Variants in CORIN observed in about 807,000 individuals in gnomAD.
CORIN encodes corin, serine peptidase, also known as atrial natriuretic peptide-converting enzyme.
In CORIN, 117 loss-of-function variants were observed where a neutral mutation model predicts 125.3. The ratio of observed to expected loss-of-function variants is 0.93; its 90% CI spans 0.80 to 1.09. The LOEUF is 1.09. CORIN is among the 50% of genes least tolerant of loss of function. CORIN has a pLI of 0.00. For missense variants in CORIN, 1,253 were observed against 1,306.7 expected (o/e 0.96, Z 0.63); for synonymous variants, 450 against 466.4 (o/e 0.96, Z 0.45).
At chr4:47,622,548 GGT>G (rs1722363891) in intron 19 of CORIN, among the ~76,000 whole-genome samples, 1 of 151,700 alleles carries the variant, frequency 6.6e-6, no homozygotes, top group South Asian at 2.1e-4. Context: ...CATTCTAACT[GGT>G]GTGAGATGGT....
At chr4:47,658,919 C>T (rs1724118433) in intron 12 of CORIN, among the ~76,000 whole-genome samples, 1 of 152,222 alleles carries the variant, frequency 6.6e-6, no homozygotes, top group Non-Finnish European at 1.5e-5. Flanking sequence ...TTTCTTTGCT[C>T]CTGTATCTGA....
At chr4:47,808,938 A>T (rs1731926347) in intron 1 of CORIN, among the ~76,000 whole-genome samples, 1 of 152,228 alleles carries the variant, frequency 6.6e-6, no homozygotes, top group Admixed American at 6.5e-5. Flanking sequence ...TGAAATGTAC[A>T]TGACTATATT....
chr4:47,715,834 T>C (rs1192595676), intron 5 of CORIN, among the ~76,000 whole-genome samples: 1 of 152,162 alleles, frequency 6.6e-6, no homozygotes, highest in East Asian at 1.9e-4. Context: ...TATGCTGCAA[T>C]ATGAGGCAGA....
chr4:47,831,946 G>A (rs1434560444), intron 1 of CORIN, among the ~76,000 whole-genome samples: 5 of 152,198 alleles, frequency 3.3e-5, no homozygotes, highest in Non-Finnish European at 4.4e-5. Flanking sequence ...GTCAAATGAG[G>A]ATGAGTTCAA....
chr4:47,609,529 C>T (rs535651740), intron 19 of CORIN, among the ~76,000 whole-genome samples: 11 of 152,280 alleles, frequency 7.2e-5, no homozygotes, highest in South Asian at 2.1e-4. Context: ...TGTGAGCCAC[C>T]GCACCCGGCT....
intron 2 of CORIN, among the ~76,000 whole-genome samples, chr4:47,803,289 T>C (rs1399187123): frequency 1.3e-5 from 2 of 152,206 alleles, no homozygotes; most frequent in African/African-American, 4.8e-5. Flanking sequence ...CTCAAAGCAA[T>C]CTGCAGATTC....
chr4:47,729,931 A>G (rs921642115), intron 5 of CORIN, among the ~76,000 whole-genome samples: 2 of 152,178 alleles, frequency 1.3e-5, no homozygotes, highest in Non-Finnish European at 2.9e-5. Flanking sequence ...CTCCGGCTCC[A>G]GGGAAAGACC....
intron 3 of CORIN, among the ~76,000 whole-genome samples, chr4:47,785,937 TA>T (rs1255447667): frequency 3.2e-5 from 4 of 125,994 alleles, no homozygotes; most frequent in Admixed American, 2.4e-4. Context: ...AAAAGGTAAA[TA>T]GGGGGATAGC....
intron 13 of CORIN, 47 bp downstream of exon 13, chr4:47,653,506 C>G (rs771757197): frequency 7.0e-7 from 1 of 1,430,146 alleles, no homozygotes; most frequent in South Asian, 1.2e-5. Context: ...TTATTTTATT[C>G]TAGTTATCAC....
intron 5 of CORIN, among the ~76,000 whole-genome samples, chr4:47,728,791 T>C (rs1727718296): frequency 6.6e-6 from 1 of 152,224 alleles, no homozygotes; most frequent in African/African-American, 2.4e-5. Context: ...CTCCAGCCAC[T>C]GAACAAAATA....
rs1233228997 is a variant in CORIN, at chr4:47,603,591, C to T, written c.2618G>A (p.Arg873His). Residue 873 changes from arginine to histidine, a missense_variant, in exon 20 of 22, where the codon CGC becomes CAC. Transcript: ENST00000273857. ...LDHPSVFMQT[R>H]FVKTIILHPR... ...ATGCAGGATGATGGTCTTCACAAAG[C>T]GTGTCTGCATGAACACTGATGGATG... 10 of 1,614,178 alleles carry T rather than the reference C, an allele frequency of 6.2e-6. No homozygotes were observed. Among genetic ancestry groups the T allele is most frequent in the East Asian group, 2.2e-5 (1 of 44,884 alleles).
chr4:47,782,076 C>A (rs73150671), intron 3 of CORIN, among the ~76,000 whole-genome samples: 1,872 of 152,058 alleles, frequency 0.012, 52 homozygotes, highest in African/African-American at 0.042. Context: ...AAATGTCTGA[C>A]GCAAAAAATT....
intron 13 of CORIN, among the ~76,000 whole-genome samples, chr4:47,648,893 G>A (rs1288666042): frequency 6.6e-6 from 1 of 152,198 alleles, no homozygotes. Flanking sequence ...AGCAGCCAGA[G>A]TACAGGCCTA....
intron 19 of CORIN, among the ~76,000 whole-genome samples, chr4:47,617,797 T>TA (rs1722126576): frequency 6.6e-6 from 1 of 152,130 alleles, no homozygotes; most frequent in African/African-American, 2.4e-5. Context: ...AGCTCAGTAA[T>TA]AAAAAGTCAA....
In CORIN at chr4:47,626,483, T is replaced by A. The variant is rs778903138; in HGVS notation, c.2237A>T (p.Lys746Ile). ...SVTKLIQEQEKEPRWLTLHSN... is the reference protein window; with the variant it reads ...SVTKLIQEQEIEPRWLTLHSN... The stretch of plus-strand genomic sequence containing the variant: ...GTGTAATGTCAGCCACCGCGGCTCT[T>A]TCTCCTGTTCCTGTATCAATTTGGT... Residue 746 changes from lysine to isoleucine, a missense_variant, in exon 17 of 22, where the codon AAA becomes ATA. Physicochemically the swap from Lys to Ile is moderately radical, Grantham distance 102. Transcript: ENST00000273857. The A allele has an allele frequency of 8.1e-6, 13 of 1,613,930 alleles. No individual in the cohort carries two copies. In the African/African-American group the frequency reaches 1.7e-4, roughly 22 times the overall value.
chr4:47,744,305 T>G (rs1217765140), intron 5 of CORIN, 97 bp downstream of exon 5: 1 of 1,154,916 alleles, frequency 8.7e-7, no homozygotes, highest in Non-Finnish European at 1.2e-6. Context: ...TTGGTTAAAA[T>G]TTATCAGACT....
intron 2 of CORIN, among the ~76,000 whole-genome samples, chr4:47,793,759 G>C (rs1731175823): frequency 6.6e-6 from 1 of 152,168 alleles, no homozygotes; most frequent in South Asian, 2.1e-4. Context: ...ACAGATATAG[G>C]AGTATGAAAA....
At chr4:47,694,409 T>C (rs1725895396) in intron 5 of CORIN, among the ~76,000 whole-genome samples, 1 of 152,116 alleles carries the variant, frequency 6.6e-6, no homozygotes, top group Non-Finnish European at 1.5e-5. Context: ...AAAAGTTAAG[T>C]AGAACCTTCA....
At position 47,736,241 on chromosome 4, in the gene CORIN, T is replaced by C. The variant is rs770478098; in HGVS notation, c.799+8161A>G. 2.2e-4 allele frequency among the ~76,000 whole-genome samples: 34 copies of C among 152,206 alleles called. 1 individual carries two copies. Among genetic ancestry groups the C allele is most frequent in the Non-Finnish European group, 4.3e-4 (29 of 68,026 alleles). ...TGGCTTTTAGCTATATACTATCTTTTGGAGGGAATCCTAATTTAGCAGCAG... is the reference window on the plus strand; with the variant it reads ...TGGCTTTTAGCTATATACTATCTTTCGGAGGGAATCCTAATTTAGCAGCAG... On this transcript the variant is annotated intron_variant, in intron 5 of 21. Transcript: ENST00000273857.
Sources: gnomAD v4.1 joint callset for allele counts (sites outside exome capture counted in the v4.1 genomes callset) on GRCh38, gnomAD v4.1.1 for gene constraint, MANE v1.5 for transcripts, NCBI Gene and HGNC (gene_info 2026-07-23, HGNC 2026-07-21) for gene names.